Variants in RANBP17 observed in about 807,000 individuals in gnomAD.
RANBP17 encodes the protein RAN binding protein 17.
A neutral mutation model predicts 141.2 loss-of-function variants in RANBP17; 158 were observed. The observed-to-expected ratio is 1.12, with a 90% CI of 0.98 to 1.28. RANBP17 has a LOEUF of 1.28. Ranked by LOEUF, RANBP17 falls within the 50% of genes most tolerant of loss-of-function variation. The pLI is 0.00. For synonymous variants in RANBP17, 430 were observed against 450.0 expected (o/e 0.96, Z 0.56); for missense variants, 1,438 against 1,290.7 (o/e 1.11, Z -1.75).
chr5:171,004,294 G>T (rs886173129), intron 14 of RANBP17, among the ~76,000 whole-genome samples: 5 of 152,130 alleles, frequency 3.3e-5, no homozygotes, highest in Non-Finnish European at 7.3e-5. Flanking sequence ...GGGAAGAAGG[G>T]TGGCAATGAG....
At chr5:171,032,265 A>G (rs1215713168) in intron 14 of RANBP17, among the ~76,000 whole-genome samples, 1 of 152,112 alleles carries the variant, frequency 6.6e-6, no homozygotes, top group African/African-American at 2.4e-5. Flanking sequence ...ATGTACTCAT[A>G]ATGGAAATGG....
chr5:171,147,015 T>C (rs1485976129), intron 14 of RANBP17, among the ~76,000 whole-genome samples: 1 of 152,216 alleles, frequency 6.6e-6, no homozygotes, highest in East Asian at 1.9e-4. Flanking sequence ...AGTAAATATG[T>C]GTAAATTACT....
intron 14 of RANBP17, among the ~76,000 whole-genome samples, chr5:171,104,578 G>T (rs1561659071): frequency 6.6e-6 from 1 of 152,100 alleles, no homozygotes; most frequent in South Asian, 2.1e-4. Flanking sequence ...GACCTGTTAG[G>T]AGCATTATCT....
At chr5:171,208,031 A>G (rs1762679026) in intron 20 of RANBP17, 2 of 152,206 alleles carry the variant, frequency 1.3e-5, no homozygotes, top group African/African-American at 4.8e-5. Flanking sequence ...GATATGTCAA[A>G]CCGTCAGTGA....
At chr5:171,060,318 T>C (rs1246306036) in intron 14 of RANBP17, among the ~76,000 whole-genome samples, 1 of 143,772 alleles carries the variant, frequency 7.0e-6, no homozygotes, top group Non-Finnish European at 1.5e-5. Context: ...AGATAGCTCT[T>C]ATTATTTTGA....
chr5:171,047,445 T>TC (rs1561589633), intron 14 of RANBP17, among the ~76,000 whole-genome samples: 2 of 150,024 alleles, frequency 1.3e-5, no homozygotes, highest in East Asian at 1.9e-4. Flanking sequence ...TTGTTTTGTT[T>TC]TTTTTTTTTG....
intron 18 of RANBP17, among the ~76,000 whole-genome samples, chr5:171,194,861 A>G (rs538779720): frequency 5.1e-4 from 77 of 151,826 alleles, no homozygotes; most frequent in African/African-American, 1.6e-3. Flanking sequence ...AATTGTACAA[A>G]ATAATAAATG....
chr5:170,897,893 A>G (rs1183126451), intron 5 of RANBP17, among the ~76,000 whole-genome samples: 2 of 152,216 alleles, frequency 1.3e-5, no homozygotes, highest in Non-Finnish European at 2.9e-5. Context: ...TCTTTATAGT[A>G]GAATTATTTA....
At chr5:171,260,462 CAAAA>C (rs531075409) in intron 24 of RANBP17, among the ~76,000 whole-genome samples, 5 of 51,430 alleles carry the variant, frequency 9.7e-5, no homozygotes, top group African/African-American at 6.9e-5. Flanking sequence ...GACTCCGTCT[CAAAA>C]AAAAAAAAAA....
chr5:171,078,707 T>G (rs1445162147), intron 14 of RANBP17, among the ~76,000 whole-genome samples: 1 of 152,170 alleles, frequency 6.6e-6, no homozygotes, highest in Non-Finnish European at 1.5e-5. Flanking sequence ...AACAGCAAAG[T>G]CTGGATGACA....
chr5:171,248,997 C>T (rs1440033080), intron 24 of RANBP17, among the ~76,000 whole-genome samples: 1 of 152,192 alleles, frequency 6.6e-6, no homozygotes, highest in Non-Finnish European at 1.5e-5. Context: ...ACACAAGTGC[C>T]AGCCTATACT....
chr5:170,912,714 A>G (rs2127424683), intron 7 of RANBP17, among the ~76,000 whole-genome samples: 1 of 151,966 alleles, frequency 6.6e-6, no homozygotes, highest in South Asian at 2.1e-4. Flanking sequence ...AAAAAAAACC[A>G]AGAAAACTAG....
intron 21 of RANBP17, among the ~76,000 whole-genome samples, chr5:171,214,816 C>T (rs770867146): frequency 6.6e-6 from 1 of 151,602 alleles, no homozygotes; most frequent in African/African-American, 2.4e-5. Context: ...ACTGATAGAA[C>T]ATTTAATACT....
At position 170,892,537 on chromosome 5, in the gene RANBP17, T is replaced by G; in HGVS notation, c.407T>G (p.Val136Gly). The change falls in exon 4 of 28, where the codon GTG becomes GGG. Residue 136 changes from valine to glycine, a missense_variant. Transcript: ENST00000523189. The part of the protein sequence containing the change: ...QFVFREIIAD[V>G]KKFLQGTVEH... ...GTCTTCAGAGAAATTATTGCTGATG[T>G]GAAGAAGTTTCTCCAGGTAAGAAGT... is the stretch of plus-strand genomic sequence containing the variant. The G allele has an allele frequency of 6.2e-7, 1 of 1,613,576 alleles. No individual in the cohort carries two copies. The highest frequency in any genetic ancestry group is 1.3e-5 in the African/African-American group (1 of 75,024).
chr5:171,272,228 A>G (rs970079741), intron 25 of RANBP17, among the ~76,000 whole-genome samples: 40 of 152,096 alleles, frequency 2.6e-4, no homozygotes, highest in African/African-American at 9.7e-4. Flanking sequence ...TCAAACAACT[A>G]CCTATTGGGG....
chr5:171,227,899 C>T (rs1763977725), intron 22 of RANBP17, among the ~76,000 whole-genome samples: 2 of 152,316 alleles, frequency 1.3e-5, no homozygotes, highest in Admixed American at 1.3e-4. Flanking sequence ...GCATGCTTTA[C>T]TGACCACTTT....
At chr5:171,203,754 GAA>G (rs1482786645) in intron 19 of RANBP17, among the ~76,000 whole-genome samples, 1 of 152,092 alleles carries the variant, frequency 6.6e-6, no homozygotes, top group Non-Finnish European at 1.5e-5. Flanking sequence ...TAGACACAAA[GAA>G]AGTAAAACTC....
In RANBP17 at chr5:171,201,826, C is replaced by G. The variant is rs556117647; in HGVS notation, c.2142+2053C>G. On this transcript the variant is annotated intron_variant, in intron 19 of 27. Transcript: ENST00000523189. Reference sequence around the variant, plus strand: ...AATTTATTAGGTTAAGGCTATTTTTCTATCACGATGAATAAATAATACATG... The same window carrying G: ...AATTTATTAGGTTAAGGCTATTTTTGTATCACGATGAATAAATAATACATG... Among the ~76,000 whole-genome samples, 14 of 152,310 alleles carry G rather than the reference C, an allele frequency of 9.2e-5. No individual in the cohort carries two copies. In the South Asian group the frequency reaches 2.7e-3, roughly 29 times the overall value.
intron 14 of RANBP17, among the ~76,000 whole-genome samples, chr5:171,152,514 T>A (rs917631652): frequency 1.3e-5 from 2 of 152,102 alleles, no homozygotes; most frequent in African/African-American, 4.8e-5. Flanking sequence ...AACGTCACTC[T>A]TGTCCTAGGG....
Sources: allele counts gnomAD v4.1 joint callset (sites outside exome capture counted in the v4.1 genomes callset), GRCh38; gene constraint gnomAD v4.1.1; transcripts MANE v1.5; gene names NCBI Gene and HGNC (gene_info 2026-07-23, HGNC 2026-07-21).